Variants in LGI2 observed in about 807,000 individuals in gnomAD.
The protein encoded by LGI2 is leucine-rich repeat LGI family member 2.
A neutral mutation model predicts 52.0 loss-of-function variants in LGI2; 30 were observed. That is an observed-to-expected ratio of 0.58 (90% CI 0.43 to 0.78). The LOEUF (loss-of-function observed/expected upper bound fraction) is 0.78, where lower values mean the gene tolerates loss of function less well. Among genes scored for constraint, LGI2 ranks in the 30% least tolerant of loss-of-function variants. The probability of loss-of-function intolerance (pLI) is 0.00; values close to 1 mark genes in which losing one functional copy is unlikely to be tolerated. For synonymous variants in LGI2, 270 were observed against 271.8 expected, an observed-to-expected ratio of 0.99 and a Z score of 0.06; for missense variants, 573 against 692.5, an observed-to-expected ratio of 0.83 and a Z score of 1.94.
chr4:25,004,956 C>A lies in LGI2; in HGVS notation c.821-688G>T, dbSNP rs1461110923. Among the ~76,000 whole-genome samples the A allele has an allele frequency of 6.6e-6, 1 of 152,066 alleles. No homozygotes were observed. Among genetic ancestry groups the A allele is most frequent in the Non-Finnish European group, 1.5e-5 (1 of 68,028 alleles). The stretch of plus-strand genomic sequence containing the variant: ...ATACATAAAATGGAATATTATTCAG[C>A]CCTAAAAGGAGGAAAATTCTGACAT... On this transcript the variant is annotated intron_variant, in intron 7 of 7. Coordinates refer to ENST00000382114, the MANE Select transcript of LGI2 (RefSeq NM_018176.4). The surrounding 1 kb of genome is among the most constrained non-coding windows in gnomAD (Gnocchi z 4.6).
chr4:25,019,348 T>G (rs1393874245), intron 4 of LGI2, 110 bp from the exon 5 acceptor site: 1 of 673,826 alleles, frequency 1.5e-6, no homozygotes, highest in East Asian at 2.7e-5. Context: ...TCATCAATAC[T>G]GAGATAGAGA....
At chr4:25,016,552 G>A (rs2109416418) in intron 6 of LGI2, among the ~76,000 whole-genome samples, 1 of 152,258 alleles carries the variant, frequency 6.6e-6, no homozygotes, top group Admixed American at 6.5e-5. Flanking sequence ...CTGACTGTGG[G>A]GCACCTGTCA....
intron 4 of LGI2, among the ~76,000 whole-genome samples, chr4:25,023,532 G>T (rs1466595676): frequency 2.6e-5 from 4 of 152,176 alleles, no homozygotes; most frequent in Non-Finnish European, 2.9e-5. Flanking sequence ...TCAAGTGTTT[G>T]CTTGGCCTAT....
intron 7 of LGI2, among the ~76,000 whole-genome samples, chr4:25,006,478 T>G (rs1423414321): frequency 6.6e-6 from 1 of 152,218 alleles, no homozygotes; most frequent in African/African-American, 2.4e-5. Context: ...TGACACTGGG[T>G]GGTTTTCAGA....
chr4:25,028,423 G>T, intron 2 of LGI2, 84 bp downstream of exon 2: 2 of 1,257,562 alleles, frequency 1.6e-6, no homozygotes, highest in Non-Finnish European at 2.3e-6. Context: ...TTTAGGAAGG[G>T]CTGATACCAA....
Position 25,028,390 on chromosome 4 carries a change from G to A in LGI2, c.269+117C>T, listed in dbSNP as rs564655827. ...AAATTAACACCAAGAGGCAGCCACG[G>A]TCTCCTCACGGAGCTGGGGTACTTT... On this transcript the variant is annotated intron_variant, in intron 2 of 7. Coordinates refer to ENST00000382114, the MANE Select transcript of LGI2 (RefSeq NM_018176.4). 882 of 853,652 alleles carry A rather than the reference G, an allele frequency of 1.0e-3. 2 individuals carry two copies. Among genetic ancestry groups the A allele is most frequent in the Non-Finnish European group, 1.4e-3 (762 of 528,354 alleles). The allele number at this position is 853,652 out of a possible 1,614,324, so 52.9% of individuals were successfully genotyped here.
rs746645538 is a variant in LGI2, at chr4:25,019,253, T to C, written c.414-15A>G. 2 of 1,569,894 alleles carry C rather than the reference T, an allele frequency of 1.3e-6. No individual in the cohort carries two copies. Among genetic ancestry groups the C allele is most frequent in the Admixed American group, 1.7e-5 (1 of 58,214 alleles). ...TGGCCAAAGAACTAGAACAAGAAAG[T>C]CACATTGCAATGTGATTATTATCTC... On this transcript the variant is annotated splice_polypyrimidine_tract_variant and intron_variant, in intron 4 of 7. Coordinates refer to ENST00000382114, the MANE Select transcript of LGI2 (RefSeq NM_018176.4).
chr4:24,998,690 T>C (rs1036799826), downstream of LGI2, among the ~76,000 whole-genome samples: 1 of 152,130 alleles, frequency 6.6e-6, no homozygotes, highest in Admixed American at 6.5e-5. Context: ...AGTTTCCAAG[T>C]AGAAGAAGCA....
rs190252513 is a variant in LGI2 at position 25,003,159 on chromosome 4, G to T, written c.*292C>A. 8.1e-5 allele frequency: 20 copies of T among 245,448 alleles called. 1 individual carries two copies. In the East Asian group the frequency reaches 1.7e-3, roughly 21 times the overall value. The allele number at this position is 245,448 out of a possible 1,614,324, so 15.2% of individuals were successfully genotyped here. A position where few individuals can be genotyped will look rare whatever the true frequency, so the allele number is the denominator to read the frequency against. On this transcript the variant is annotated 3_prime_UTR_variant, in exon 8 of 8. Coordinates refer to ENST00000382114, the MANE Select transcript of LGI2 (RefSeq NM_018176.4). ...TGTCTTCTTCCTCATCAAAAAGCGG[G>T]GGGGAAGCATATTACATTTCTAGAT...
intron 6 of LGI2, 151 bp downstream of exon 6, chr4:25,017,838 G>C (rs776248748): frequency 8.9e-6 from 6 of 670,472 alleles, no homozygotes; most frequent in Middle Eastern, 4.1e-4. Flanking sequence ...TTACCACATC[G>C]ATTCATTTCT....
At position 24,999,868 on chromosome 4, in the gene LGI2, G is replaced by T. The variant is rs757949468; in HGVS notation, c.*3583C>A. On this transcript the variant is annotated 3_prime_UTR_variant, in exon 8 of 8. Coordinates refer to ENST00000382114, the MANE Select transcript of LGI2 (RefSeq NM_018176.4). ...CAATTCATCACCACTCGTGCATTCA[G>T]GTTTTGAATTTTTCCTTCACAGATC... 3 of 456,068 alleles carry T rather than the reference G, an allele frequency of 6.6e-6. 1 individual carries two copies. Among genetic ancestry groups the T allele is most frequent in the South Asian group, 4.6e-5 (3 of 64,532 alleles). The allele number at this position is 456,068 out of a possible 1,614,324, so 28.3% of individuals were successfully genotyped here.
In LGI2 at chr4:25,002,583, A is replaced by G. The variant is rs1725279905; in HGVS notation, c.*868T>C. 6.6e-6 allele frequency: 1 copy of G among 152,666 alleles called. No individual in the cohort carries two copies. The highest frequency in any genetic ancestry group is 1.5e-5 in the Non-Finnish European group (1 of 68,040). 9.5% of individuals were successfully genotyped at this position (152,666 alleles called of 1,614,324 possible). On this transcript the variant is annotated 3_prime_UTR_variant, in exon 8 of 8. Coordinates refer to ENST00000382114, the MANE Select transcript of LGI2 (RefSeq NM_018176.4). ...CTCATCAGACGGAAATAACTGTTTC[A>G]TCCCTCTAAAGGATGAAATGAAAAG...
chr4:25,014,813 A>T (rs1457175950), intron 6 of LGI2, among the ~76,000 whole-genome samples: 9 of 137,828 alleles, frequency 6.5e-5, no homozygotes, highest in Non-Finnish European at 1.2e-4. Context: ...CCTGGATGAC[A>T]GAGCAAGACC....
rs1355202156 is a variant in LGI2, at chr4:25,003,737, T to C, written c.1352A>G (p.Lys451Arg). Residue 451 changes from lysine to arginine, a missense_variant, in exon 8 of 8, where the codon AAG becomes AGG. Transcript: ENST00000382114. The part of the protein sequence containing the change: ...GDSRVMRWNS[K>R]QFVEIQALPS... ...AAGAGCTTGGATCTCCACAAACTGC[T>C]TACTGTTCCACCTCATGACCCGGGA... 1 of 1,614,098 alleles carries C rather than the reference T, an allele frequency of 6.2e-7. No homozygotes were observed. The highest frequency in any genetic ancestry group is 8.5e-7 in the Non-Finnish European group (1 of 1,180,042).
At chr4:25,016,433 C>T (rs985897270) in intron 6 of LGI2, among the ~76,000 whole-genome samples, 5 of 152,290 alleles carry the variant, frequency 3.3e-5, no homozygotes, top group East Asian at 1.9e-4. Context: ...TAGCATTTAA[C>T]GCCAAATAGT....
At chr4:25,020,428 G>A (rs1031357867) in intron 4 of LGI2, among the ~76,000 whole-genome samples, 5 of 152,206 alleles carry the variant, frequency 3.3e-5, no homozygotes, top group African/African-American at 9.7e-5. Context: ...GTAGAAAGAC[G>A]TGGAGTGTTG....
At chr4:25,022,710 T>C (rs1726012191) in intron 4 of LGI2, among the ~76,000 whole-genome samples, 2 of 152,178 alleles carry the variant, frequency 1.3e-5, no homozygotes, top group South Asian at 2.1e-4. Flanking sequence ...CGAGGACACT[T>C]TGTACACCTG....
the LGI2 span, among the ~76,000 whole-genome samples, chr4:24,992,684 A>C: frequency 1.0e-3 from 153 of 152,326 alleles, no homozygotes; most frequent in African/African-American, 3.6e-3. Context: ...ACTCTGTCTC[A>C]AAAAGAAAAG....
intron 4 of LGI2, among the ~76,000 whole-genome samples, chr4:25,021,016 T>G (rs1725940829): frequency 6.6e-6 from 1 of 152,090 alleles, no homozygotes; most frequent in African/African-American, 2.4e-5. Flanking sequence ...AGTACAACAA[T>G]GTTTTAGCTA....
Sources: allele counts gnomAD v4.1 joint callset (sites outside exome capture counted in the v4.1 genomes callset), GRCh38; gene constraint gnomAD v4.1.1; non-coding constraint Gnocchi (gnomAD v3.1); transcripts MANE v1.5; gene names NCBI Gene and HGNC (gene_info 2026-07-23, HGNC 2026-07-21).